Variants in PTPN22 observed in about 807,000 individuals in gnomAD.
PTPN22 encodes tyrosine-protein phosphatase non-receptor type 22.
A neutral mutation model predicts 103.3 loss-of-function variants in PTPN22; 85 were observed. The ratio of observed to expected loss-of-function variants is 0.82; its 90% CI spans 0.69 to 0.99. The LOEUF (loss-of-function observed/expected upper bound fraction) is 0.99. PTPN22 is among the 50% of genes least tolerant of loss of function. The pLI, the probability that PTPN22 is intolerant of heterozygous loss-of-function variation, is 0.00. For synonymous variants in PTPN22, 323 were observed against 310.2 expected (o/e 1.04, Z -0.43); for missense variants, 865 against 936.9 (o/e 0.92, Z 1.00).
intron 18 of PTPN22, among the ~76,000 whole-genome samples, chr1:113,826,899 G>T (rs1342209243): frequency 6.6e-6 from 1 of 151,562 alleles, no homozygotes; most frequent in Non-Finnish European, 1.5e-5. Context: ...TCGATCTCCT[G>T]ACCTCGTGAT....
intron 1 of PTPN22, among the ~76,000 whole-genome samples, chr1:113,862,285 A>AAAAAAT (rs1352887133): frequency 2.0e-5 from 3 of 152,134 alleles, no homozygotes; most frequent in African/African-American, 4.8e-5. Flanking sequence ...TCCGCCTCAA[A>AAAAAAT]AAAAATAAAA....
At chr1:113,864,496 C>T in intron 1 of PTPN22, 2 of 291,716 alleles carry the variant, frequency 6.9e-6, no homozygotes, top group Non-Finnish European at 1.3e-5. Context: ...CATGGTGGCT[C>T]ACACCTGTAA....
intron 19 of PTPN22, 122 bp from the exon 20 acceptor site, chr1:113,819,776 T>C: frequency 1.8e-6 from 1 of 540,806 alleles, no homozygotes; most frequent in Non-Finnish European, 3.0e-6. Flanking sequence ...CACTGTCAAA[T>C]GTTAACAAAA....
At chr1:113,867,056 A>T (rs1571485502) in intron 1 of PTPN22, among the ~76,000 whole-genome samples, 1 of 152,018 alleles carries the variant, frequency 6.6e-6, no homozygotes, top group Non-Finnish European at 1.5e-5. Context: ...CAAGATCCAC[A>T]AAAAAAGTTT....
chr1:113,843,472 C>T (rs1477091869), intron 11 of PTPN22, among the ~76,000 whole-genome samples: 1 of 152,132 alleles, frequency 6.6e-6, no homozygotes, highest in South Asian at 2.1e-4. Flanking sequence ...TATCAGGTAC[C>T]TACAGTAGTC....
At chr1:113,870,257 CAG>C (rs1248670716) in intron 1 of PTPN22, among the ~76,000 whole-genome samples, 2 of 152,026 alleles carry the variant, frequency 1.3e-5, no homozygotes, top group African/African-American at 4.8e-5. Flanking sequence ...AGTTAGAAAA[CAG>C]AGAGATTTAA....
chr1:113,829,866 T>C, intron 17 of PTPN22, 83 bp downstream of exon 17: 2 of 1,351,578 alleles, frequency 1.5e-6, no homozygotes, highest in Non-Finnish European at 2.1e-6. Context: ...TTTTTGTACC[T>C]TTCCATTTAG....
At chr1:113,821,424 C>G (rs904360475) in intron 19 of PTPN22, among the ~76,000 whole-genome samples, 1 of 152,050 alleles carries the variant, frequency 6.6e-6, no homozygotes, top group African/African-American at 2.4e-5. Flanking sequence ...CAGGTTCAAG[C>G]GATTCTCCTG....
At chr1:113,856,780 G>A in intron 5 of PTPN22, 161 bp from the exon 6 acceptor site, 1 of 818,352 alleles carries the variant, frequency 1.2e-6, no homozygotes, top group Non-Finnish European at 1.9e-6. Flanking sequence ...TCCAAAGATG[G>A]GAAAACAAAC....
chr1:113,866,553 C>T (rs1197562717), intron 1 of PTPN22, among the ~76,000 whole-genome samples: 1 of 151,970 alleles, frequency 6.6e-6, no homozygotes, highest in African/African-American at 2.4e-5. Flanking sequence ...CCCACATAGA[C>T]AAATATATGT....
In PTPN22 at chr1:113,852,231, A is replaced by G. The variant is rs1425696997; in HGVS notation, c.751-127T>C. The G allele has an allele frequency of 4.5e-6, 3 of 661,312 alleles. No homozygotes were observed. In the East Asian group the frequency reaches 8.6e-5, roughly 19 times the overall value. 41.0% of individuals were successfully genotyped at this position (661,312 alleles called of 1,614,324 possible). ...TGGGGTAATATCAGAAAAATGATGCATTTTTAAAACAAATGAGGTTTCTTA... is the reference window on the plus strand; with the variant it reads ...TGGGGTAATATCAGAAAAATGATGCGTTTTTAAAACAAATGAGGTTTCTTA... On this transcript the variant is annotated intron_variant, in intron 9 of 20. Coordinates refer to ENST00000359785, the Ensembl canonical transcript of PTPN22.
intron 9 of PTPN22, among the ~76,000 whole-genome samples, chr1:113,854,118 G>A (rs948869172): frequency 1.3e-5 from 2 of 151,740 alleles, no homozygotes; most frequent in Non-Finnish European, 2.9e-5. Context: ...CACCTCCCTC[G>A]GCCTCCCAAA....
intron 10 of PTPN22, 33 bp downstream of exon 10, chr1:113,851,994 C>A (rs1435622747): frequency 6.6e-7 from 1 of 1,517,230 alleles, no homozygotes; most frequent in South Asian, 1.1e-5. Flanking sequence ...AAGACTCAGA[C>A]ACATGTTCTG....
At chr1:113,832,336 C>G (rs180882246) in intron 16 of PTPN22, among the ~76,000 whole-genome samples, 1 of 152,114 alleles carries the variant, frequency 6.6e-6, no homozygotes, top group Non-Finnish European at 1.5e-5. Flanking sequence ...TACAGGCACC[C>G]GCCACCACGC....
exon 3 of PTPN22, chr1:113,859,011 G>C: frequency 6.2e-7 from 1 of 1,613,670 alleles, no homozygotes. Flanking sequence ...CCTTAATGAA[G>C]TTGGCATTGA....
chr1:113,840,244 A>G (rs1161806394), intron 11 of PTPN22, among the ~76,000 whole-genome samples: 1 of 152,076 alleles, frequency 6.6e-6, no homozygotes, highest in African/African-American at 2.4e-5. Context: ...AAAATTGGAA[A>G]AAAAGGAAGT....
At chr1:113,822,820 C>T (rs1202627540) in intron 19 of PTPN22, among the ~76,000 whole-genome samples, 2 of 152,090 alleles carry the variant, frequency 1.3e-5, no homozygotes, top group Non-Finnish European at 2.9e-5. Flanking sequence ...ATTAGCTGGG[C>T]ATAGTGGTGT....
intron 7 of PTPN22, among the ~76,000 whole-genome samples, chr1:113,856,071 T>C (rs192443059): frequency 1.6e-4 from 25 of 152,348 alleles, no homozygotes; most frequent in African/African-American, 5.8e-4. Context: ...TGCAGTACAG[T>C]GGCACCATCT....
intron 11 of PTPN22, among the ~76,000 whole-genome samples, chr1:113,841,714 T>C (rs1255578491): frequency 6.6e-6 from 1 of 151,810 alleles, no homozygotes; most frequent in East Asian, 1.9e-4. Flanking sequence ...GCAATTCTCC[T>C]GCATTAGCCT....
Sources: gnomAD v4.1 joint callset for allele counts (sites outside exome capture counted in the v4.1 genomes callset) on GRCh38, gnomAD v4.1.1 for gene constraint, MANE v1.5 for transcripts, NCBI Gene and HGNC (gene_info 2026-07-23, HGNC 2026-07-21) for gene names.